LRGUK: variants seen among roughly 807,000 people sequenced by gnomAD.
The protein encoded by LRGUK is leucine-rich repeat and guanylate kinase domain-containing protein.
In LRGUK, 65 loss-of-function variants were observed where a neutral mutation model predicts 76.0. That is an observed-to-expected ratio of 0.85 (90% CI 0.70 to 1.05). The LOEUF is 1.05. Ranked by LOEUF, LRGUK falls within the 50% of genes least tolerant of loss-of-function variation. LRGUK has a pLI of 0.00. For synonymous variants in LRGUK, 268 were observed against 265.6 expected, an observed-to-expected ratio of 1.01 and a Z score of -0.09; for missense variants, 758 against 732.8, an observed-to-expected ratio of 1.03 and a Z score of -0.40.
intron 1 of LRGUK, among the ~76,000 whole-genome samples, chr7:134,135,882 T>C (rs1797514676): frequency 6.6e-6 from 1 of 152,298 alleles, no homozygotes; most frequent in African/African-American, 2.4e-5. Flanking sequence ...GGTCTCGATC[T>C]CCTGACCTTG....
intron 16 of LRGUK, among the ~76,000 whole-genome samples, chr7:134,240,766 T>C (rs1470281068): frequency 6.6e-6 from 1 of 152,100 alleles, no homozygotes; most frequent in Non-Finnish European, 1.5e-5. Context: ...TTCACCAAAT[T>C]TGAAATGACG....
chr7:134,148,897 AGAGT>A lies in LRGUK; in HGVS notation c.670+582_670+585del, dbSNP rs1454600760. 3.3e-5 allele frequency among the ~76,000 whole-genome samples: 5 copies of A among 152,118 alleles called. No individual in the cohort carries two copies. In the South Asian group the frequency reaches 6.2e-4, roughly 19 times the overall value. Reference sequence around the variant, plus strand: ...GCCACTGCACTCCAGCCTGGGTAACAGAGTGAGACTCTGTCTCAAAAAAAAAAAA... The same window carrying A: ...GCCACTGCACTCCAGCCTGGGTAACAGAGACTCTGTCTCAAAAAAAAAAAA... On this transcript the variant is annotated intron_variant, in intron 5 of 15. Transcript: ENST00000645682.
chr7:134,155,748 AC>A (rs1335109618), intron 5 of LRGUK, among the ~76,000 whole-genome samples: 2 of 152,274 alleles, frequency 1.3e-5, no homozygotes, highest in African/African-American at 4.8e-5. Flanking sequence ...CCATGACCTA[AC>A]TTTTGGCCTT....
At chr7:134,249,445 G>A (rs1450890) in intron 18 of LRGUK, among the ~76,000 whole-genome samples, 35,237 of 152,016 alleles carry the variant, frequency 0.23, 4,955 homozygotes, top group Middle Eastern at 0.33. Flanking sequence ...ACTGTGATTC[G>A]GCTGTGTTCT....
intron 15 of LRGUK, among the ~76,000 whole-genome samples, chr7:134,203,327 T>A: frequency 6.6e-6 from 1 of 152,204 alleles, no homozygotes; most frequent in East Asian, 1.9e-4. Context: ...AATGTTAACC[T>A]GAGACCCTGG....
intron 16 of LRGUK, among the ~76,000 whole-genome samples, chr7:134,244,560 GC>G: frequency 6.6e-6 from 1 of 152,294 alleles, no homozygotes; most frequent in South Asian, 2.1e-4. Context: ...AACAACAGGT[GC>G]TGGAGAGGAT....
chr7:134,249,970 G>C (rs1450242785), intron 18 of LRGUK, among the ~76,000 whole-genome samples: 1 of 152,126 alleles, frequency 6.6e-6, no homozygotes, highest in Non-Finnish European at 1.5e-5. Flanking sequence ...GTTGCTGGCT[G>C]GTCTATAGAT....
At chr7:134,199,399 T>C (rs749259740) in exon 14 of LRGUK, 4 of 1,613,624 alleles carry the variant, frequency 2.5e-6, no homozygotes, top group Non-Finnish European at 3.4e-6. Flanking sequence ...TTCCGGGATA[T>C]TTTGATGAGG....
chr7:134,273,816 T>C, the LRGUK span, among the ~76,000 whole-genome samples: 1 of 152,188 alleles, frequency 6.6e-6, no homozygotes, highest in African/African-American at 2.4e-5. Context: ...CTCATGTCTT[T>C]GTTACATTTT....
chr7:134,202,854 G>A lies in LRGUK; in HGVS notation c.1843+1278G>A, dbSNP rs376840491. Among the ~76,000 whole-genome samples the A allele has an allele frequency of 2.0e-4, 30 of 152,292 alleles. No individual in the cohort carries two copies. The East Asian group carries it at 5.2e-3, about 27-fold the overall frequency. On this transcript the variant is annotated intron_variant, in intron 15 of 15. Coordinates refer to ENST00000645682, the Ensembl canonical transcript of LRGUK. ...GATGAAAAGAGTTCTGAGGATAGAT[G>A]ATAGTGACGGTGGCACAGTGTGAAT... is the stretch of plus-strand genomic sequence containing the variant.
At chr7:134,163,274 G>A in intron 6 of LRGUK, 123 bp from the exon 7 acceptor site, 1 of 785,606 alleles carries the variant, frequency 1.3e-6, no homozygotes, top group Admixed American at 2.4e-5. Context: ...TGGAGGGAAG[G>A]ACAAGAATGC....
intron 10 of LRGUK, 133 bp downstream of exon 10, chr7:134,178,742 G>A: frequency 1.8e-6 from 1 of 556,110 alleles, no homozygotes; most frequent in Non-Finnish European, 3.1e-6. Flanking sequence ...TCTGAGGGAA[G>A]GGGCCAAGTC....
intron 16 of LRGUK, among the ~76,000 whole-genome samples, chr7:134,236,701 G>A (rs922269497): frequency 3.3e-5 from 5 of 152,138 alleles, no homozygotes; most frequent in African/African-American, 9.7e-5. Context: ...ACCCATAGGC[G>A]CCTATAGGGC....
At chr7:134,234,026 G>A (rs1801961662) in intron 16 of LRGUK, among the ~76,000 whole-genome samples, 1 of 152,204 alleles carries the variant, frequency 6.6e-6, no homozygotes, top group South Asian at 2.1e-4. Flanking sequence ...TGTATTTTAT[G>A]TGTGGCCCAA....
At chr7:134,161,310 G>T (rs1563153423) in intron 6 of LRGUK, among the ~76,000 whole-genome samples, 1 of 151,908 alleles carries the variant, frequency 6.6e-6, no homozygotes, top group Admixed American at 6.6e-5. Flanking sequence ...CATTAAGTTT[G>T]GTGTAGTTTT....
intron 16 of LRGUK, among the ~76,000 whole-genome samples, chr7:134,240,517 G>C (rs555318012): frequency 1.3e-5 from 2 of 152,186 alleles, no homozygotes; most frequent in Non-Finnish European, 2.9e-5. Flanking sequence ...AGAGTAAAAA[G>C]AAATGAACAA....
chr7:134,261,574 C>T (rs1484330333), intron 19 of LRGUK, among the ~76,000 whole-genome samples: 1 of 152,208 alleles, frequency 6.6e-6, no homozygotes, highest in Non-Finnish European at 1.5e-5. Flanking sequence ...TCTCAAGTCT[C>T]TGCAGACTTA....
intron 10 of LRGUK, among the ~76,000 whole-genome samples, chr7:134,182,685 A>T (rs1043494434): frequency 1.3e-5 from 2 of 152,152 alleles, no homozygotes; most frequent in Non-Finnish European, 2.9e-5. Context: ...TTTATTCTAG[A>T]TTGCTACAAT....
intron 15 of LRGUK, among the ~76,000 whole-genome samples, chr7:134,216,030 T>C (rs17167642): frequency 0.19 from 29,099 of 152,128 alleles, 4,056 homozygotes; most frequent in East Asian, 0.53. Context: ...TCAAAATAAT[T>C]CTTGAAAATT....
Sources: allele counts gnomAD v4.1 joint callset (sites outside exome capture counted in the v4.1 genomes callset), GRCh38; gene constraint gnomAD v4.1.1; transcripts MANE v1.5; gene names NCBI Gene and HGNC (gene_info 2026-07-23, HGNC 2026-07-21).